Variants in MATCAP2 observed in about 807,000 individuals in gnomAD.
The protein encoded by MATCAP2 is putative tyrosine carboxypeptidase MATCAP2.
At chr7:36,338,137 A>T in the MATCAP2 span, among the ~76,000 whole-genome samples, 3 of 152,294 alleles carry the variant, frequency 2.0e-5, no homozygotes, top group East Asian at 5.8e-4. Flanking sequence ...ACCCCAAAAT[A>T]TGTTTCTTTG....
the MATCAP2 span, among the ~76,000 whole-genome samples, chr7:36,369,410 C>T: frequency 1.3e-5 from 2 of 152,162 alleles, no homozygotes; most frequent in East Asian, 3.9e-4. Context: ...CCTTATATAC[C>T]CAGAATTCTG....
the MATCAP2 span, among the ~76,000 whole-genome samples, chr7:36,352,776 G>A: frequency 6.7e-6 from 1 of 150,138 alleles, no homozygotes; most frequent in African/African-American, 2.5e-5. Context: ...AGGCTGCAGT[G>A]AGTGGAGATT....
the MATCAP2 span, among the ~76,000 whole-genome samples, chr7:36,363,917 A>C: frequency 6.6e-6 from 1 of 152,200 alleles, no homozygotes; most frequent in Non-Finnish European, 1.5e-5. Context: ...GAAACACCGC[A>C]TGGAAAAATG....
the MATCAP2 span, chr7:36,368,322 G>GA: frequency 6.6e-6 from 1 of 152,192 alleles, no homozygotes; most frequent in African/African-American, 2.4e-5. Flanking sequence ...AGGAACAAAA[G>GA]AAAGTTGAAT....
the MATCAP2 span, among the ~76,000 whole-genome samples, chr7:36,329,483 T>C: frequency 6.6e-6 from 1 of 152,124 alleles, no homozygotes; most frequent in African/African-American, 2.4e-5. Flanking sequence ...AAACAAGACT[T>C]CATTAGAGAA....
the MATCAP2 span, chr7:36,390,155 CGCGCGTGCGCAGTGTGT>C: frequency 6.3e-7 from 1 of 1,575,676 alleles, no homozygotes; most frequent in Non-Finnish European, 8.7e-7. Flanking sequence ...CGCGTGTGTG[CGCGCGTGCGCAGTGTGT>C]GCGGGCCGGG....
the MATCAP2 span, among the ~76,000 whole-genome samples, chr7:36,362,611 G>C: frequency 6.6e-6 from 1 of 152,182 alleles, no homozygotes; most frequent in Non-Finnish European, 1.5e-5. Flanking sequence ...GGTCTATGAG[G>C]TCACTCTTGG....
At chr7:36,366,832 G>C in the MATCAP2 span, 15 of 1,519,346 alleles carry the variant, frequency 9.9e-6, no homozygotes, top group Middle Eastern at 1.8e-4. Flanking sequence ...CGCCCAGCCG[G>C]TGGCTACCAT....
chr7:36,389,297 G>C, the MATCAP2 span, among the ~76,000 whole-genome samples: 1 of 152,008 alleles, frequency 6.6e-6, no homozygotes, highest in Admixed American at 6.6e-5. Context: ...TCCTGACCTC[G>C]TGATCTGCCC....
chr7:36,367,175 T>G, the MATCAP2 span: 7 of 1,198,646 alleles, frequency 5.8e-6, no homozygotes, highest in East Asian at 3.5e-5. Context: ...ACGGCGGCCT[T>G]ACGGTGCCCA....
chr7:36,336,608 G>A, the MATCAP2 span, among the ~76,000 whole-genome samples: 720 of 152,176 alleles, frequency 4.7e-3, 5 homozygotes, highest in African/African-American at 0.017. Context: ...GGGGAGAGGG[G>A]CTCCTGGCTT....
the MATCAP2 span, among the ~76,000 whole-genome samples, chr7:36,371,835 C>T: frequency 2.1e-3 from 322 of 152,034 alleles, 1 homozygote; most frequent in Non-Finnish European, 2.9e-3. Flanking sequence ...ATCATAACTC[C>T]TGGGCTCAAG....
At chr7:36,327,298 C>G in the MATCAP2 span, among the ~76,000 whole-genome samples, 5 of 152,168 alleles carry the variant, frequency 3.3e-5, no homozygotes, top group Non-Finnish European at 7.3e-5. Flanking sequence ...GCCACCACAC[C>G]TGGCTAATTT....
At chr7:36,332,843 C>T in the MATCAP2 span, among the ~76,000 whole-genome samples, 1 of 152,204 alleles carries the variant, frequency 6.6e-6, no homozygotes. Context: ...AGGAGAATCA[C>T]CTGAACCCAG....
the MATCAP2 span, chr7:36,383,953 T>C: frequency 2.0e-4 from 277 of 1,398,794 alleles, no homozygotes; most frequent in Non-Finnish European, 2.5e-4. Flanking sequence ...AGATTTGTGT[T>C]ATTGTATTAC....
the MATCAP2 span, among the ~76,000 whole-genome samples, chr7:36,368,920 C>T: frequency 6.6e-6 from 1 of 152,202 alleles, no homozygotes; most frequent in African/African-American, 2.4e-5. Context: ...GTCACCTCTT[C>T]GTGAGCCCTT....
chr7:36,338,839 C>T, the MATCAP2 span, among the ~76,000 whole-genome samples: 2 of 152,350 alleles, frequency 1.3e-5, no homozygotes, highest in South Asian at 4.1e-4. Context: ...TTAACTTAAA[C>T]CAAATACTCC....
the MATCAP2 span, chr7:36,356,873 G>C: frequency 6.5e-7 from 1 of 1,546,178 alleles, no homozygotes; most frequent in Non-Finnish European, 8.9e-7. Flanking sequence ...ACATAAAAAT[G>C]AACTACCACT....
At chr7:36,341,142 C>A in the MATCAP2 span, among the ~76,000 whole-genome samples, 1 of 152,222 alleles carries the variant, frequency 6.6e-6, no homozygotes, top group South Asian at 2.1e-4. Context: ...TCCGCTCCCC[C>A]TAGAGTTCAG....
Sources: gnomAD v4.1 joint callset for allele counts (sites outside exome capture counted in the v4.1 genomes callset) on GRCh38, gnomAD v4.1.1 for gene constraint, MANE v1.5 for transcripts, NCBI Gene and HGNC (gene_info 2026-07-23, HGNC 2026-07-21) for gene names.